ARMC1: variants seen among roughly 807,000 people sequenced by gnomAD.
ARMC1 encodes armadillo repeat-containing protein 1.
In ARMC1, 16 loss-of-function variants were observed where a neutral mutation model predicts 31.4. That is an observed-to-expected ratio of 0.51 (90% CI 0.34 to 0.77). The LOEUF (loss-of-function observed/expected upper bound fraction) is 0.77. ARMC1 is among the 30% of genes least tolerant of loss of function. The probability of loss-of-function intolerance (pLI) is 0.01; values close to 1 mark genes in which losing one functional copy is unlikely to be tolerated. For missense variants in ARMC1, 259 were observed against 347.5 expected (o/e 0.75, Z 2.02); for synonymous variants, 114 against 118.9 (o/e 0.96, Z 0.27).
chr8:65,623,307 C>CAAAAAAAAAAAAAAAAA (rs71245496), intron 2 of ARMC1, among the ~76,000 whole-genome samples: 1 of 38,334 alleles, frequency 2.6e-5, no homozygotes, highest in African/African-American at 1.4e-4. Context: ...GACTCCGTCT[C>CAAAAAAAAAAAAAAAAA]AAAAAAAAAA....
At chr8:65,605,669 GCA>G (rs991751637) in intron 4 of ARMC1, 131 bp from the exon 5 acceptor site, 1 of 678,164 alleles carries the variant, frequency 1.5e-6, no homozygotes, top group East Asian at 2.7e-5. Context: ...TTATTTCAGG[GCA>G]CAGAGTGGGG....
intron 2 of ARMC1, among the ~76,000 whole-genome samples, chr8:65,624,872 G>A (rs1444233592): frequency 6.6e-6 from 1 of 152,174 alleles, no homozygotes; most frequent in South Asian, 2.1e-4. Context: ...TGTAATTTCA[G>A]CACTTTGAGA....
chr8:65,622,737 G>T (rs1380219537), intron 2 of ARMC1, among the ~76,000 whole-genome samples: 1 of 151,824 alleles, frequency 6.6e-6, no homozygotes, highest in Non-Finnish European at 1.5e-5. Flanking sequence ...GTGGCGGGGG[G>T]AACGACGTGG....
At chr8:65,631,304 G>C (rs1202407402) in intron 1 of ARMC1, among the ~76,000 whole-genome samples, 1 of 152,126 alleles carries the variant, frequency 6.6e-6, no homozygotes, top group Non-Finnish European at 1.5e-5. Flanking sequence ...GTACGATTTC[G>C]GCTTATCACA....
chr8:65,611,951 T>C (rs1192960793), intron 4 of ARMC1, among the ~76,000 whole-genome samples: 1 of 151,986 alleles, frequency 6.6e-6, no homozygotes. Context: ...TTTGTATTTT[T>C]AGTAGAGATG....
chr8:65,622,922 C>T (rs1808423843), intron 2 of ARMC1, among the ~76,000 whole-genome samples: 1 of 151,276 alleles, frequency 6.6e-6, no homozygotes, highest in Non-Finnish European at 1.5e-5. Context: ...AGCAGAATTG[C>T]TTGAACACGG....
chr8:65,613,181 C>T, intron 4 of ARMC1, 63 bp downstream of exon 4: 1 of 1,300,128 alleles, frequency 7.7e-7, no homozygotes, highest in Non-Finnish European at 1.0e-6. Flanking sequence ...AGACTGTTAG[C>T]AAGTGGCACT....
Position 65,605,402 on chromosome 8 carries a change from C to T in ARMC1, c.582+20G>A, listed in dbSNP as rs1313683591. The T allele has an allele frequency of 1.2e-6, 2 of 1,612,660 alleles. No individual in the cohort carries two copies. Among genetic ancestry groups the T allele is most frequent in the Non-Finnish European group, 1.7e-6 (2 of 1,178,814 alleles). On this transcript the variant is annotated intron_variant, in intron 5 of 6. Transcript: ENST00000276569. ...GTTTACCTGTAATCTCAAGCATATT[C>T]AGTCTTTTAAAATACTTACCTCAGC... is the stretch of plus-strand genomic sequence containing the variant.
At chr8:65,607,014 C>T (rs1214751714) in intron 4 of ARMC1, among the ~76,000 whole-genome samples, 5 of 152,234 alleles carry the variant, frequency 3.3e-5, no homozygotes, top group African/African-American at 4.8e-5. Context: ...TCTGAGGGGT[C>T]AATCTGCAAC....
intron 2 of ARMC1, among the ~76,000 whole-genome samples, chr8:65,624,207 G>C (rs566430280): frequency 6.6e-6 from 1 of 151,834 alleles, no homozygotes; most frequent in Admixed American, 6.6e-5. Flanking sequence ...AAATATAAAA[G>C]ACCTTTTTTT....
chr8:65,622,178 C>G (rs1808407225), intron 3 of ARMC1, 85 bp downstream of exon 3: 4 of 1,075,372 alleles, frequency 3.7e-6, no homozygotes, highest in Non-Finnish European at 5.6e-6. Context: ...TCGCTTGAAC[C>G]CAGCATGGGC....
chr8:65,616,979 G>C (rs1808281569), intron 3 of ARMC1, among the ~76,000 whole-genome samples: 1 of 151,258 alleles, frequency 6.6e-6, no homozygotes, highest in Admixed American at 6.6e-5. Flanking sequence ...CCGCCCGGCA[G>C]CCGCCCCATC....
At chr8:65,614,123 A>G (rs1808201185) in intron 3 of ARMC1, among the ~76,000 whole-genome samples, 1 of 152,252 alleles carries the variant, frequency 6.6e-6, no homozygotes, top group Non-Finnish European at 1.5e-5. Flanking sequence ...AAAAGGAGAA[A>G]CCAAATTTGA....
chr8:65,625,750 T>C (rs948347693), intron 2 of ARMC1, among the ~76,000 whole-genome samples: 8 of 152,134 alleles, frequency 5.3e-5, no homozygotes, highest in African/African-American at 1.7e-4. Context: ...AAAGGCAAAA[T>C]AGAAATTTTT....
chr8:65,620,651 C>T (rs1301750743), intron 3 of ARMC1, among the ~76,000 whole-genome samples: 2 of 151,706 alleles, frequency 1.3e-5, no homozygotes, highest in East Asian at 1.9e-4. Context: ...ATACTAGACC[C>T]GTTTCAGAAA....
chr8:65,606,299 T>C (rs1409120343), intron 4 of ARMC1, among the ~76,000 whole-genome samples: 2 of 149,546 alleles, frequency 1.3e-5, no homozygotes, highest in African/African-American at 2.5e-5. Context: ...AGGCGGAGGT[T>C]GCAGTGAGCT....
chr8:65,621,702 T>G (rs1000707202), intron 3 of ARMC1, among the ~76,000 whole-genome samples: 5 of 152,090 alleles, frequency 3.3e-5, no homozygotes, highest in African/African-American at 1.2e-4. Flanking sequence ...AGAAACGAGA[T>G]TTCACCACGT....
At chr8:65,611,243 C>A (rs1808133641) in intron 4 of ARMC1, among the ~76,000 whole-genome samples, 1 of 152,114 alleles carries the variant, frequency 6.6e-6, no homozygotes, top group Non-Finnish European at 1.5e-5. Flanking sequence ...CCTCACTTAC[C>A]CTTTTGATGT....
chr8:65,620,442 CA>C (rs1808369854), intron 3 of ARMC1, among the ~76,000 whole-genome samples: 1 of 151,378 alleles, frequency 6.6e-6, no homozygotes, highest in South Asian at 2.1e-4. Context: ...GCTGGGATTA[CA>C]GGTGCCCGCC....
Sources: allele counts gnomAD v4.1 joint callset (sites outside exome capture counted in the v4.1 genomes callset), GRCh38; gene constraint gnomAD v4.1.1; transcripts MANE v1.5; gene names NCBI Gene and HGNC (gene_info 2026-07-23, HGNC 2026-07-21).